CAMTA1: variants seen among roughly 807,000 people sequenced by gnomAD.
CAMTA1 encodes the protein calmodulin binding transcription activator 1, also known as calmodulin-binding transcription activator 1.
A neutral mutation model predicts 170.9 loss-of-function variants in CAMTA1; 27 were observed. That is an observed-to-expected ratio of 0.16 (90% CI 0.12 to 0.22). The LOEUF is 0.22. Among genes scored for constraint, CAMTA1 ranks in the 10% least tolerant of loss-of-function variants. CAMTA1 has a pLI of 1.00. For synonymous variants in CAMTA1, 833 were observed against 891.5 expected, an observed-to-expected ratio of 0.93 and a Z score of 1.17; for missense variants, 1,619 against 2,217.2, an observed-to-expected ratio of 0.73 and a Z score of 5.42.
chr1:7,029,261 G>A (rs1285331973), intron 3 of CAMTA1, among the ~76,000 whole-genome samples: 1 of 151,988 alleles, frequency 6.6e-6, no homozygotes, highest in Non-Finnish European at 1.5e-5. Context: ...CAGCACTTTG[G>A]GAGGCTGAGG....
chr1:6,856,653 A>C (rs1016807833), intron 3 of CAMTA1, among the ~76,000 whole-genome samples: 6 of 152,324 alleles, frequency 3.9e-5, no homozygotes, highest in Admixed American at 3.9e-4. Context: ...ATAATTAATT[A>C]TAAGAATGGG....
At chr1:7,099,462 G>A (rs997606917) in intron 4 of CAMTA1, among the ~76,000 whole-genome samples, 2 of 152,154 alleles carry the variant, frequency 1.3e-5, no homozygotes, top group African/African-American at 4.8e-5. Flanking sequence ...GCTCAATCCT[G>A]TTTCCCAGGG....
At position 7,064,402 on chromosome 1, in the gene CAMTA1, G is replaced by A. The variant is rs1327131306; in HGVS notation, c.235-26902G>A. Among the ~76,000 whole-genome samples the A allele has an allele frequency of 6.6e-6, 1 of 152,098 alleles. No individual in the cohort carries two copies. Among genetic ancestry groups the A allele is most frequent in the Non-Finnish European group, 1.5e-5 (1 of 68,032 alleles). ...TCACCTCCAAATACCATAGCATTGG[G>A]GGTTGGGGCTTCAACCTATTAATTT... is the stretch of plus-strand genomic sequence containing the variant. On this transcript the variant is annotated intron_variant, in intron 3 of 22. Transcript: ENST00000303635. This position sits in a 1 kb window ranked among gnomAD's most constrained non-coding sequence, Gnocchi z 5.4.
Position 7,065,987 on chromosome 1 carries a change from C to T in CAMTA1, c.235-25317C>T, listed in dbSNP as rs115661655. Among the ~76,000 whole-genome samples the T allele has an allele frequency of 0.012, 1,809 of 152,126 alleles. 35 individuals are homozygous for T. The highest frequency in any genetic ancestry group is 0.042 in the African/African-American group (1,732 of 41,508). ...TCAGGCACCCTGAGCAAGCACAAGG[C>T]GGAGAAATGAGACCTGCTGGTGCTT... On this transcript the variant is annotated intron_variant, in intron 3 of 22. Coordinates refer to ENST00000303635, the MANE Select transcript of CAMTA1 (RefSeq NM_015215.4). The surrounding 1 kb of genome is among the most constrained non-coding windows in gnomAD (Gnocchi z 5.2).
At chr1:7,497,340 C>T (rs1156989746) in intron 6 of CAMTA1, among the ~76,000 whole-genome samples, 1 of 152,196 alleles carries the variant, frequency 6.6e-6, no homozygotes, top group Non-Finnish European at 1.5e-5. Context: ...CAAGCCCAGG[C>T]CCCATCCCAT....
intron 6 of CAMTA1, among the ~76,000 whole-genome samples, chr1:7,596,826 G>A (rs1439125727): frequency 1.3e-5 from 2 of 152,162 alleles, no homozygotes; most frequent in African/African-American, 4.8e-5. Flanking sequence ...AACTTGACAT[G>A]GCTTTGTAGA....
rs769447378 is a variant in CAMTA1, at chr1:7,607,228, A to T, written c.511-33172A>T. 1.9e-3 allele frequency among the ~76,000 whole-genome samples: 289 copies of T among 148,270 alleles called. 2 individuals carry two copies. Among genetic ancestry groups the T allele is most frequent in the Non-Finnish European group, 1.4e-3 (91 of 67,118 alleles). ...AGGTGGATGGATGGAAGATAGGTGG[A>T]TGGGCAGCTGGATGGATGGGTGAAT... is the stretch of plus-strand genomic sequence containing the variant. On this transcript the variant is annotated intron_variant, in intron 6 of 22. Coordinates refer to ENST00000303635, the MANE Select transcript of CAMTA1 (RefSeq NM_015215.4).
chr1:7,354,927 T>A (rs778036594), intron 5 of CAMTA1, among the ~76,000 whole-genome samples: 58 of 151,988 alleles, frequency 3.8e-4, no homozygotes, highest in South Asian at 8.3e-4. Context: ...CTGGGCTGGG[T>A]TCAGTGGCTC....
chr1:7,744,741 A>AT, intron 16 of CAMTA1, 94 bp from the exon 17 acceptor site: 2 of 1,061,066 alleles, frequency 1.9e-6, no homozygotes, highest in Non-Finnish European at 2.8e-6. Flanking sequence ...CTGCCTGATT[A>AT]TTTTTTTCTC....
rs1294303689 is a variant in CAMTA1, at chr1:7,007,337, G to A, written c.235-83967G>A. 1.3e-5 allele frequency among the ~76,000 whole-genome samples: 2 copies of A among 152,180 alleles called. No individual in the cohort carries two copies. The highest frequency in any genetic ancestry group is 2.4e-5 in the African/African-American group (1 of 41,440). On this transcript the variant is annotated intron_variant, in intron 3 of 22. Coordinates refer to ENST00000303635, the MANE Select transcript of CAMTA1 (RefSeq NM_015215.4). The surrounding 1 kb of genome is among the most constrained non-coding windows in gnomAD (Gnocchi z 4.5). ...GAGGAGACTTGGAAGTGAGGGACCC[G>A]AAAATGGGAACCCTTGCTAAGGACA...
Position 7,050,185 on chromosome 1 carries a change from C to G in CAMTA1, c.235-41119C>G, listed in dbSNP as rs78084694. 1.3e-5 allele frequency among the ~76,000 whole-genome samples: 2 copies of G among 152,132 alleles called. No individual in the cohort carries two copies. The highest frequency in any genetic ancestry group is 3.9e-4 in the East Asian group (2 of 5,192). On this transcript the variant is annotated intron_variant, in intron 3 of 22. Coordinates refer to ENST00000303635, the MANE Select transcript of CAMTA1 (RefSeq NM_015215.4). The surrounding 1 kb of genome is among the most constrained non-coding windows in gnomAD (Gnocchi z 4.8). Reference sequence around the variant, plus strand: ...GCCGGGGAAGTGACCGGCAGGGCCACGGAGGACTCAGGCGGCTGTTCCCGG... The same window carrying G: ...GCCGGGGAAGTGACCGGCAGGGCCAGGGAGGACTCAGGCGGCTGTTCCCGG...
At chr1:7,747,908 T>A in intron 19 of CAMTA1, 127 bp downstream of exon 19, 1 of 282,164 alleles carries the variant, frequency 3.5e-6, no homozygotes, top group Non-Finnish European at 5.9e-6. Flanking sequence ...TTTTGGTTGT[T>A]TTTTTTTTTT....
At chr1:7,620,754 T>A (rs1273296512) in intron 6 of CAMTA1, among the ~76,000 whole-genome samples, 1 of 151,912 alleles carries the variant, frequency 6.6e-6, no homozygotes, top group Non-Finnish European at 1.5e-5. Context: ...GAAGCTATGA[T>A]TTAGAGGCAG....
At chr1:7,091,510 G>A (rs898012901) in intron 4 of CAMTA1, 139 bp downstream of exon 4, 2 of 689,662 alleles carry the variant, frequency 2.9e-6, no homozygotes, top group Non-Finnish European at 5.3e-6. Flanking sequence ...CGACACTGAG[G>A]TCTCATTCAT....
intron 3 of CAMTA1, among the ~76,000 whole-genome samples, chr1:7,021,032 CA>C (rs1458834775): frequency 1.3e-5 from 2 of 152,242 alleles, no homozygotes. Flanking sequence ...TGCTTTTGAC[CA>C]TTCTTCGTGC....
chr1:7,388,139 G>A (rs2088224094), intron 5 of CAMTA1: 2 of 152,214 alleles, frequency 1.3e-5, no homozygotes, highest in African/African-American at 4.8e-5. Context: ...TCTGGAAAAT[G>A]GGGATAGTAG....
intron 3 of CAMTA1, among the ~76,000 whole-genome samples, chr1:6,930,630 C>A (rs529173730): frequency 1.3e-5 from 2 of 152,174 alleles, no homozygotes; most frequent in Non-Finnish European, 2.9e-5. Flanking sequence ...TGCTGTACCC[C>A]CCTTTGTCCT....
chr1:7,626,797 C>A (rs995537764), intron 6 of CAMTA1, among the ~76,000 whole-genome samples: 1 of 152,166 alleles, frequency 6.6e-6, no homozygotes, highest in Non-Finnish European at 1.5e-5. Context: ...TTGGCCTGGA[C>A]AATCCCTAAG....
intron 11 of CAMTA1, among the ~76,000 whole-genome samples, chr1:7,697,487 G>A (rs1333546627): frequency 1.3e-5 from 2 of 152,148 alleles, no homozygotes; most frequent in African/African-American, 4.8e-5. Flanking sequence ...GAATTGATTT[G>A]GGACAATCCG....
Sources: gnomAD v4.1 joint callset for allele counts (sites outside exome capture counted in the v4.1 genomes callset) on GRCh38, gnomAD v4.1.1 for gene constraint, Gnocchi (gnomAD v3.1) non-coding constraint, MANE v1.5 for transcripts, NCBI Gene and HGNC (gene_info 2026-07-23, HGNC 2026-07-21) for gene names.